Variants in TRAPPC9 observed in about 807,000 individuals in gnomAD.
TRAPPC9 encodes trafficking protein particle complex subunit 9.
In TRAPPC9, 83 loss-of-function variants were observed where a neutral mutation model predicts 124.0. The ratio of observed to expected loss-of-function variants is 0.67; its 90% CI spans 0.56 to 0.80. The LOEUF is 0.80. Ranked by LOEUF, TRAPPC9 falls within the 30% of genes least tolerant of loss-of-function variation. TRAPPC9 has a pLI of 0.00. For missense variants in TRAPPC9, 1,302 were observed against 1,508.3 expected (o/e 0.86, Z 2.27); for synonymous variants, 638 against 617.5 (o/e 1.03, Z -0.49).
intron 17 of TRAPPC9, among the ~76,000 whole-genome samples, chr8:140,192,073 T>C (rs1261586551): frequency 6.6e-6 from 1 of 152,246 alleles, no homozygotes; most frequent in African/African-American, 2.4e-5. Flanking sequence ...CTCTTGTTTA[T>C]AAATGTTAAC....
intron 17 of TRAPPC9, among the ~76,000 whole-genome samples, chr8:140,187,543 C>T (rs2062380209): frequency 6.6e-6 from 1 of 152,174 alleles, no homozygotes; most frequent in African/African-American, 2.4e-5. Context: ...TCACTTGGAC[C>T]CTTGAAGAAT....
intron 19 of TRAPPC9, among the ~76,000 whole-genome samples, chr8:139,945,580 A>C (rs572639357): frequency 1.3e-5 from 2 of 151,218 alleles, no homozygotes; most frequent in Admixed American, 1.3e-4. Flanking sequence ...AAAACCAACA[A>C]AAAACAGTCA....
At chr8:140,458,370 G>A (rs766527036), upstream of TRAPPC9, 2 of 1,596,718 alleles carry the variant, frequency 1.3e-6, no homozygotes, top group Admixed American at 3.5e-5. Flanking sequence ...GATCCCTGCG[G>A]CACCCCCTGT....
intron 17 of TRAPPC9, among the ~76,000 whole-genome samples, chr8:140,073,302 A>G (rs1406062822): frequency 6.6e-6 from 1 of 152,252 alleles, no homozygotes; most frequent in East Asian, 1.9e-4. Flanking sequence ...TCAAAAACTG[A>G]AAACAAATGT....
chr8:139,760,180 T>C (rs1464026068), intron 21 of TRAPPC9, among the ~76,000 whole-genome samples: 1 of 152,176 alleles, frequency 6.6e-6, no homozygotes, highest in Non-Finnish European at 1.5e-5. Flanking sequence ...CAGGTCTGTG[T>C]GGCTCTGTGA....
At chr8:140,195,167 A>G (rs2062612306) in intron 17 of TRAPPC9, among the ~76,000 whole-genome samples, 1 of 151,714 alleles carries the variant, frequency 6.6e-6, no homozygotes, top group African/African-American at 2.4e-5. Context: ...ACTAAAACAC[A>G]CTCAAGGATC....
intron 21 of TRAPPC9, among the ~76,000 whole-genome samples, chr8:139,831,733 CT>C (rs933203208): frequency 4.6e-5 from 7 of 152,178 alleles, no homozygotes; most frequent in African/African-American, 1.4e-4. Context: ...GGCTCCTTTG[CT>C]TTGCAAAGCA....
Position 140,112,350 on chromosome 8 carries a change from G to GTGAGGAGAGTAATGAAGAATT in TRAPPC9, c.2557-88272_2557-88271insAATTCTTCATTACTCTCCTCA, listed in dbSNP as rs2060794352. ...AATTCCAGACGATGGTGGGACAGGTGCGAGGAGAGGAATGGAGAATTCCAG... is the reference window on the plus strand; with the variant it reads ...AATTCCAGACGATGGTGGGACAGGTGTGAGGAGAGTAATGAAGAATTCGAGGAGAGGAATGGAGAATTCCAG... On this transcript the variant is annotated intron_variant, in intron 17 of 22. Transcript: ENST00000438773. Among the ~76,000 whole-genome samples the GTGAGGAGAGTAATGAAGAATT allele has an allele frequency of 2.0e-5, 3 of 147,814 alleles. 1 individual carries two copies. In the South Asian group the frequency reaches 6.5e-4, roughly 32 times the overall value.
At chr8:139,956,083 C>T (rs566954303) in intron 19 of TRAPPC9, among the ~76,000 whole-genome samples, 7 of 152,282 alleles carry the variant, frequency 4.6e-5, no homozygotes, top group African/African-American at 1.4e-4. Context: ...CGATGCTCCT[C>T]GTTCGAAACA....
chr8:140,455,253 C>T (rs1010208729), intron 1 of TRAPPC9, among the ~76,000 whole-genome samples: 1 of 152,162 alleles, frequency 6.6e-6, no homozygotes, highest in African/African-American at 2.4e-5. Context: ...ATGCCTCGGC[C>T]TCCCGGGTAG....
chr8:139,737,995 C>T (rs1457470349), intron 21 of TRAPPC9, among the ~76,000 whole-genome samples: 1 of 152,186 alleles, frequency 6.6e-6, no homozygotes, highest in Non-Finnish European at 1.5e-5. Flanking sequence ...GTGCCGGATG[C>T]AATTGAGAGG....
intron 19 of TRAPPC9, among the ~76,000 whole-genome samples, chr8:139,963,724 G>T (rs1417249752): frequency 7.4e-6 from 1 of 135,148 alleles, no homozygotes; most frequent in African/African-American, 2.9e-5. Context: ...ACCAGTGAGG[G>T]ATTCCCTCCG....
intron 18 of TRAPPC9, among the ~76,000 whole-genome samples, chr8:140,010,402 T>C (rs2131843743): frequency 6.6e-6 from 1 of 152,296 alleles, no homozygotes; most frequent in Non-Finnish European, 1.5e-5. Context: ...ACTAAAAATG[T>C]TCGCAAAAGG....
chr8:139,954,246 T>C (rs1834840640), intron 19 of TRAPPC9, among the ~76,000 whole-genome samples: 1 of 152,198 alleles, frequency 6.6e-6, no homozygotes, highest in Non-Finnish European at 1.5e-5. Flanking sequence ...ATGCCCCAAA[T>C]GATCACAGTG....
chr8:140,154,357 G>A (rs1323666777), intron 17 of TRAPPC9, among the ~76,000 whole-genome samples: 4 of 151,912 alleles, frequency 2.6e-5, no homozygotes, highest in Non-Finnish European at 5.9e-5. Flanking sequence ...CCCTCATCTT[G>A]TACAACAGTC....
chr8:140,084,996 C>T (rs778130400), intron 17 of TRAPPC9, among the ~76,000 whole-genome samples: 3 of 152,170 alleles, frequency 2.0e-5, no homozygotes, highest in South Asian at 4.1e-4. Context: ...CCTATGCTCG[C>T]AACGCTCGAC....
intron 2 of TRAPPC9, 107 bp from the exon 3 acceptor site, chr8:140,439,304 C>CAACT: frequency 8.2e-7 from 1 of 1,218,556 alleles, no homozygotes. Context: ...GCTAAGAAGG[C>CAACT]AACTGTAGGC....
At chr8:140,171,935 C>A (rs1469518486) in intron 17 of TRAPPC9, among the ~76,000 whole-genome samples, 1 of 152,096 alleles carries the variant, frequency 6.6e-6, no homozygotes, top group Admixed American at 6.5e-5. Flanking sequence ...GAGTATCTGG[C>A]GGCGTGAGGA....
chr8:140,292,419 G>A (rs1218984822), intron 11 of TRAPPC9, among the ~76,000 whole-genome samples: 2 of 152,214 alleles, frequency 1.3e-5, no homozygotes, highest in Non-Finnish European at 2.9e-5. Context: ...AGACACGGGT[G>A]GCTAACAGGG....
Sources: allele counts gnomAD v4.1 joint callset (sites outside exome capture counted in the v4.1 genomes callset), GRCh38; gene constraint gnomAD v4.1.1; transcripts MANE v1.5; gene names NCBI Gene and HGNC (gene_info 2026-07-23, HGNC 2026-07-21).